Variants in FHOD3 observed in about 807,000 individuals in gnomAD.
The protein encoded by FHOD3 is formin homology 2 domain containing 3, also known as FH1/FH2 domain-containing protein 3.
Under a neutral mutation model 173.0 loss-of-function variants are expected in FHOD3, and 90 were observed. The observed-to-expected ratio is 0.52, with a 90% CI of 0.44 to 0.62. FHOD3 has a LOEUF of 0.62. FHOD3 is among the 20% of genes least tolerant of loss of function. The pLI is 0.00. For synonymous variants in FHOD3, 828 were observed against 823.0 expected (o/e 1.01, Z -0.10); for missense variants, 1,945 against 2,034.7 (o/e 0.96, Z 0.85).
intron 24 of FHOD3, among the ~76,000 whole-genome samples, chr18:36,753,242 C>T (rs1468146227): frequency 6.6e-6 from 1 of 152,112 alleles, no homozygotes; most frequent in Non-Finnish European, 1.5e-5. Context: ...GCTCTCAGTT[C>T]CTTGGCCTCT....
At chr18:36,554,110 C>T (rs1197621876) in intron 5 of FHOD3, among the ~76,000 whole-genome samples, 5 of 152,096 alleles carry the variant, frequency 3.3e-5, no homozygotes, top group African/African-American at 1.2e-4. Flanking sequence ...CTAGAAACAC[C>T]ATTTGACCCA....
intron 10 of FHOD3, among the ~76,000 whole-genome samples, chr18:36,627,147 A>G (rs1054686455): frequency 6.6e-6 from 1 of 152,230 alleles, no homozygotes; most frequent in African/African-American, 2.4e-5. Context: ...AGAATCTTAA[A>G]GAAACTCAGC....
chr18:36,653,699 CTCTCTGCT>C (rs1288289992), intron 13 of FHOD3, among the ~76,000 whole-genome samples: 4 of 152,192 alleles, frequency 2.6e-5, no homozygotes, highest in Non-Finnish European at 5.9e-5. Flanking sequence ...GCGTTATGAG[CTCTCTGCT>C]GGAGTGGGGA....
intron 3 of FHOD3, among the ~76,000 whole-genome samples, chr18:36,442,987 A>T (rs917323612): frequency 2.0e-5 from 3 of 152,096 alleles, no homozygotes; most frequent in Admixed American, 6.5e-5. Flanking sequence ...GGTTTGTTTG[A>T]TGTTTCCTTG....
chr18:36,570,077 G>A (rs369325788), intron 5 of FHOD3, among the ~76,000 whole-genome samples: 15 of 151,580 alleles, frequency 9.9e-5, no homozygotes, highest in Admixed American at 4.6e-4. Flanking sequence ...AGTTGAAAGC[G>A]GAGAAAAAAA....
At chr18:36,596,615 G>A (rs2030476209) in intron 7 of FHOD3, among the ~76,000 whole-genome samples, 1 of 152,226 alleles carries the variant, frequency 6.6e-6, no homozygotes, top group Non-Finnish European at 1.5e-5. Flanking sequence ...TTTAACTGGG[G>A]CTCCTATACC....
chr18:36,687,299 G>A, intron 16 of FHOD3, 121 bp downstream of exon 16: 1 of 722,640 alleles, frequency 1.4e-6, no homozygotes, highest in Non-Finnish European at 2.3e-6. Flanking sequence ...TACATAGCTG[G>A]CATTTTGCAG....
chr18:36,669,366 CT>C (rs543744633), intron 14 of FHOD3, among the ~76,000 whole-genome samples: 12 of 151,442 alleles, frequency 7.9e-5, no homozygotes, highest in African/African-American at 2.4e-4. Flanking sequence ...AGTGTTGAAT[CT>C]TTTTTTTAAT....
chr18:36,605,923 C>G (rs1209237854), intron 8 of FHOD3, among the ~76,000 whole-genome samples: 1 of 152,108 alleles, frequency 6.6e-6, no homozygotes, highest in Non-Finnish European at 1.5e-5. Context: ...ATTTCCATGA[C>G]AAACAAAACA....
At chr18:36,747,459 T>C (rs2042202685) in intron 24 of FHOD3, among the ~76,000 whole-genome samples, 1 of 152,220 alleles carries the variant, frequency 6.6e-6, no homozygotes. Flanking sequence ...ATTTCACCTA[T>C]AGAGAGGACA....
chr18:36,330,411 TGAG>T (rs1394376331), intron 1 of FHOD3, among the ~76,000 whole-genome samples: 2 of 152,338 alleles, frequency 1.3e-5, no homozygotes, highest in East Asian at 1.9e-4. Flanking sequence ...GTGCATTGCC[TGAG>T]GAGAACCAGC....
intron 28 of FHOD3, chr18:36,779,158 C>T (rs2043913549): frequency 2.2e-6 from 1 of 444,560 alleles, no homozygotes; most frequent in South Asian, 3.5e-5. Context: ...TGAGGGTGAG[C>T]CTCTCCTCCT....
chr18:36,560,039 T>G (rs1599657172), intron 5 of FHOD3, among the ~76,000 whole-genome samples: 1 of 152,162 alleles, frequency 6.6e-6, no homozygotes, highest in African/African-American at 2.4e-5. Flanking sequence ...CAGCAGACTT[T>G]TTTACATGCT....
intron 5 of FHOD3, among the ~76,000 whole-genome samples, chr18:36,516,811 C>G (rs189459046): frequency 6.6e-6 from 1 of 152,164 alleles, no homozygotes; most frequent in South Asian, 2.1e-4. Flanking sequence ...GTTAATTGTC[C>G]TAGTGTCTTG....
At chr18:36,462,153 T>C (rs1220283867) in intron 3 of FHOD3, among the ~76,000 whole-genome samples, 1 of 152,212 alleles carries the variant, frequency 6.6e-6, no homozygotes, top group African/African-American at 2.4e-5. Context: ...CCATGGCTCA[T>C]GGTGAGGGTG....
intron 2 of FHOD3, among the ~76,000 whole-genome samples, chr18:36,368,913 C>T (rs550772501): frequency 6.6e-6 from 1 of 152,262 alleles, no homozygotes; most frequent in African/African-American, 2.4e-5. Flanking sequence ...CCAGGTCCCT[C>T]CCTCACACCT....
intron 10 of FHOD3, among the ~76,000 whole-genome samples, chr18:36,630,518 G>A (rs1045162195): frequency 1.3e-5 from 2 of 152,154 alleles, no homozygotes; most frequent in African/African-American, 4.8e-5. Flanking sequence ...ATTCTAATCG[G>A]CTTCATACAC....
chr18:36,694,503 G>T (rs527504658), intron 17 of FHOD3, among the ~76,000 whole-genome samples: 1 of 152,310 alleles, frequency 6.6e-6, no homozygotes, highest in African/African-American at 2.4e-5. Flanking sequence ...GATGAGTAAT[G>T]TCGGTCTTAA....
At position 36,512,493 on chromosome 18, in the gene FHOD3, T is replaced by C. The variant is rs1163432994; in HGVS notation, c.461T>C (p.Ile154Thr). 6.2e-7 allele frequency: 1 copy of C among 1,614,036 alleles called. No homozygotes were observed. The highest frequency in any genetic ancestry group is 8.5e-7 in the Non-Finnish European group (1 of 1,180,030). Residue 154 changes from isoleucine to threonine, a missense_variant, in exon 5 of 29, where the codon ATC becomes ACC. Transcript: ENST00000590592. ...GTGGCTGAAGGTCTGACATGTTTGATCAAGGTGGGAGCTGAGGCTGATCAG... is the reference window on the plus strand; with the variant it reads ...GTGGCTGAAGGTCTGACATGTTTGACCAAGGTGGGAGCTGAGGCTGATCAG... ...FVVAEGLTCL[I>T]KVGAEADQNY...
Sources: allele counts gnomAD v4.1 joint callset (sites outside exome capture counted in the v4.1 genomes callset), GRCh38; gene constraint gnomAD v4.1.1; transcripts MANE v1.5; gene names NCBI Gene and HGNC (gene_info 2026-07-23, HGNC 2026-07-21).